Variants in GRIK3 observed in about 807,000 individuals in gnomAD.
The protein encoded by GRIK3 is glutamate ionotropic receptor kainate type subunit 3.
GRIK3 carries 29 observed loss-of-function variants against 102.5 expected under a neutral mutation model. The ratio of observed to expected loss-of-function variants is 0.28; its 90% CI spans 0.21 to 0.39. The LOEUF (loss-of-function observed/expected upper bound fraction) is 0.39. Among genes scored for constraint, GRIK3 ranks in the 10% least tolerant of loss-of-function variants. The pLI is 1.00. For missense variants in GRIK3, 908 were observed against 1,252.4 expected, an observed-to-expected ratio of 0.73 and a Z score of 4.15; for synonymous variants, 511 against 504.9, an observed-to-expected ratio of 1.01 and a Z score of -0.16.
intron 5 of GRIK3, among the ~76,000 whole-genome samples, chr1:36,864,857 TA>T (rs3054089): frequency 1.3e-4 from 20 of 148,960 alleles, no homozygotes; most frequent in African/African-American, 4.9e-4. Flanking sequence ...TTTTTTTTTT[TA>T]ATTCAGACTG....
intron 1 of GRIK3, among the ~76,000 whole-genome samples, chr1:36,996,754 T>C (rs1159400298): frequency 6.6e-6 from 1 of 152,106 alleles, no homozygotes; most frequent in Non-Finnish European, 1.5e-5. Context: ...CTTGGTCACG[T>C]GTGGAGGGAT....
At chr1:37,017,985 T>C (rs568697225) in intron 1 of GRIK3, among the ~76,000 whole-genome samples, 1 of 152,296 alleles carries the variant, frequency 6.6e-6, no homozygotes, top group South Asian at 2.1e-4. Context: ...CTTTGTCCTA[T>C]GAAGGGCCAT....
chr1:36,961,978 C>G (rs1017673212), intron 1 of GRIK3, among the ~76,000 whole-genome samples: 2 of 152,126 alleles, frequency 1.3e-5, no homozygotes, highest in African/African-American at 2.4e-5. Context: ...GAGCCAGAGT[C>G]CAGGGTGCTC....
At chr1:36,871,891 C>T (rs1186023017) in intron 4 of GRIK3, among the ~76,000 whole-genome samples, 1 of 152,220 alleles carries the variant, frequency 6.6e-6, no homozygotes, top group Non-Finnish European at 1.5e-5. Context: ...TGCCTCCAAC[C>T]AGCACAGAGG....
chr1:36,965,177 C>G, intron 1 of GRIK3, among the ~76,000 whole-genome samples: 1 of 152,142 alleles, frequency 6.6e-6, no homozygotes, highest in Non-Finnish European at 1.5e-5. Flanking sequence ...CCTCGCCTGT[C>G]AAATGAACGA....
intron 3 of GRIK3, among the ~76,000 whole-genome samples, chr1:36,875,891 G>A (rs1640908246): frequency 6.6e-6 from 1 of 152,230 alleles, no homozygotes; most frequent in Non-Finnish European, 1.5e-5. Flanking sequence ...AACTGTGATT[G>A]TGTTTGGGTG....
chr1:36,989,302 C>T (rs976743900), intron 1 of GRIK3, among the ~76,000 whole-genome samples: 1 of 152,216 alleles, frequency 6.6e-6, no homozygotes, highest in African/African-American at 2.4e-5. Flanking sequence ...GGTCAGTTGT[C>T]TTGAGTGGGA....
In GRIK3 at chr1:37,013,081, A is replaced by G. The variant is rs988533900; in HGVS notation, c.115+20913T>C. Reference sequence around the variant, plus strand: ...ACATGGCTGGGGAGGCCTCACAATCATGGCAGAAGGTAAAAGGCACGTCTT... The same window carrying G: ...ACATGGCTGGGGAGGCCTCACAATCGTGGCAGAAGGTAAAAGGCACGTCTT... On this transcript the variant is annotated intron_variant, in intron 1 of 15. Coordinates refer to ENST00000373091, the MANE Select transcript of GRIK3 (RefSeq NM_000831.4). 3.3e-5 allele frequency among the ~76,000 whole-genome samples: 5 copies of G among 152,334 alleles called. No individual in the cohort carries two copies. In the East Asian group the frequency reaches 9.6e-4, roughly 29 times the overall value.
chr1:36,835,794 G>A (rs972987920), intron 10 of GRIK3, among the ~76,000 whole-genome samples: 2 of 152,008 alleles, frequency 1.3e-5, no homozygotes, highest in African/African-American at 4.8e-5. Context: ...CTGTTTGTCC[G>A]GACCTGGACC....
chr1:37,027,989 C>T (rs571439199), intron 1 of GRIK3, among the ~76,000 whole-genome samples: 1 of 152,324 alleles, frequency 6.6e-6, no homozygotes, highest in African/African-American at 2.4e-5. Context: ...TGTTCCAGGA[C>T]CCAGAGGCAG....
intron 15 of GRIK3, 163 bp downstream of exon 15, chr1:36,804,824 T>C: frequency 1.1e-6 from 1 of 894,204 alleles, no homozygotes; most frequent in South Asian, 1.7e-5. Context: ...AAGTGCCAGG[T>C]CAGGACAGAG....
At chr1:36,884,344 A>T (rs556991729) in intron 2 of GRIK3, among the ~76,000 whole-genome samples, 1 of 152,204 alleles carries the variant, frequency 6.6e-6, no homozygotes, top group East Asian at 1.9e-4. Context: ...CAAATTTAGG[A>T]CTAGTTCTTT....
rs374146373 is a variant in GRIK3 at position 36,805,150 on chromosome 1, C to A, written c.2402G>T (p.Arg801Leu). The A allele has an allele frequency of 1.2e-6, 2 of 1,614,218 alleles. No homozygotes were observed. Among genetic ancestry groups the A allele is most frequent in the Admixed American group, 3.3e-5 (2 of 60,032 alleles). Residue 801 changes from arginine (R) to leucine (L), a missense_variant, in exon 15 of 16, where the codon CGG becomes CTG. By Grantham distance (102) the Arg-to-Leu change is moderately radical. Transcript: ENST00000373091. ...TTCCTCCTCAGGACACCCGCTGCCC[C>A]GCCACCACTTCTCCTTCATGATATG... The part of the protein sequence containing the change: ...KLHIMKEKWW[R>L]GSGCPEEENK...
intron 1 of GRIK3, among the ~76,000 whole-genome samples, chr1:36,935,625 C>A (rs1043275057): frequency 6.6e-6 from 1 of 152,138 alleles, no homozygotes; most frequent in Non-Finnish European, 1.5e-5. Flanking sequence ...GGAAACTTCC[C>A]TCCTGAATGA....
chr1:36,927,445 C>A (rs776205802), intron 1 of GRIK3, among the ~76,000 whole-genome samples: 1 of 151,740 alleles, frequency 6.6e-6, no homozygotes, highest in Non-Finnish European at 1.5e-5. Flanking sequence ...TTCTTTTTTG[C>A]CGGATGTGAT....
intron 2 of GRIK3, among the ~76,000 whole-genome samples, chr1:36,885,205 G>A (rs926452372): frequency 7.9e-5 from 12 of 152,276 alleles, no homozygotes; most frequent in Non-Finnish European, 1.5e-4. Context: ...TAAATGTGTT[G>A]GTGCCTTCAC....
chr1:36,857,982 G>A (rs148249664), intron 7 of GRIK3, among the ~76,000 whole-genome samples: 4 of 152,350 alleles, frequency 2.6e-5, no homozygotes, highest in African/African-American at 9.6e-5. Flanking sequence ...AAGTGGGATT[G>A]AATAAATGAG....
chr1:36,980,202 T>C (rs905535141), intron 1 of GRIK3, among the ~76,000 whole-genome samples: 1 of 152,170 alleles, frequency 6.6e-6, no homozygotes, highest in African/African-American at 2.4e-5. Context: ...GATCAGGCCA[T>C]AACCCTGCTT....
rs148498121 is a variant in GRIK3, at chr1:36,909,739, C to G, written c.116-18643G>C. 4.5e-4 allele frequency among the ~76,000 whole-genome samples: 68 copies of G among 152,286 alleles called. 1 individual carries two copies. The highest frequency in any genetic ancestry group is 9.1e-4 in the Non-Finnish European group (62 of 68,028). ...GTGGCAAGAAAACCACTGCTCAAAT[C>G]TAACCCCTAACTGAGAGCCAGAGTT... On this transcript the variant is annotated intron_variant, in intron 1 of 15. Transcript: ENST00000373091.
Sources: allele counts gnomAD v4.1 joint callset (sites outside exome capture counted in the v4.1 genomes callset), GRCh38; gene constraint gnomAD v4.1.1; transcripts MANE v1.5; gene names NCBI Gene and HGNC (gene_info 2026-07-23, HGNC 2026-07-21).